The following RPRD2 variants were observed in gnomAD, a reference collection of about 807,000 sequenced individuals.
RPRD2 encodes the protein regulation of nuclear pre-mRNA domain-containing protein 2.
RPRD2 carries 12 observed loss-of-function variants against 104.4 expected under a neutral mutation model. That is an observed-to-expected ratio of 0.11 (90% CI 0.07 to 0.19). The LOEUF (loss-of-function observed/expected upper bound fraction) is 0.19. Among genes scored for constraint, RPRD2 ranks in the 10% least tolerant of loss-of-function variants. The probability of loss-of-function intolerance (pLI) is 1.00; values close to 1 mark genes in which losing one functional copy is unlikely to be tolerated. For missense variants in RPRD2, 1,543 were observed against 1,790.1 expected, an observed-to-expected ratio of 0.86 and a Z score of 2.49; for synonymous variants, 714 against 684.9, an observed-to-expected ratio of 1.04 and a Z score of -0.66.
intron 1 of RPRD2, among the ~76,000 whole-genome samples, chr1:150,412,016 G>A (rs1177703255): frequency 6.6e-6 from 1 of 151,200 alleles, no homozygotes; most frequent in Non-Finnish European, 1.5e-5. Flanking sequence ...CCAGCTGCTG[G>A]AGAGGCTGAG....
At chr1:150,390,706 A>C (rs150516787) in intron 1 of RPRD2, among the ~76,000 whole-genome samples, 105 of 152,340 alleles carry the variant, frequency 6.9e-4, no homozygotes, top group African/African-American at 2.4e-3. Context: ...TGGCAAAGGG[A>C]GAATTCATGA....
chr1:150,382,780 G>A (rs191279464), intron 1 of RPRD2, among the ~76,000 whole-genome samples: 6 of 152,252 alleles, frequency 3.9e-5, no homozygotes, highest in African/African-American at 1.4e-4. Context: ...AGGCCACAGT[G>A]CACCCTGATC....
intron 1 of RPRD2, among the ~76,000 whole-genome samples, chr1:150,377,085 C>T (rs759304376): frequency 1.3e-5 from 2 of 151,468 alleles, no homozygotes; most frequent in Non-Finnish European, 2.9e-5. Context: ...GTGGCATGTG[C>T]CTGTAGTCTC....
chr1:150,464,847 A>G (rs1668162822), intron 10 of RPRD2, 120 bp downstream of exon 10: 1 of 484,936 alleles, frequency 2.1e-6, no homozygotes. Flanking sequence ...TTAATTCATT[A>G]TTCTTTTTAT....
intron 1 of RPRD2, among the ~76,000 whole-genome samples, chr1:150,370,231 G>A (rs891529062): frequency 4.6e-5 from 7 of 152,108 alleles, no homozygotes; most frequent in Non-Finnish European, 1.0e-4. Flanking sequence ...CATTTTTAAT[G>A]GTAAAATGGG....
At chr1:150,407,621 G>C (rs782063691) in intron 1 of RPRD2, among the ~76,000 whole-genome samples, 3 of 152,204 alleles carry the variant, frequency 2.0e-5, no homozygotes, top group East Asian at 1.9e-4. Flanking sequence ...GATTTTCTAC[G>C]TAGTTCAGTG....
chr1:150,473,393 G>A lies in RPRD2; in HGVS notation c.*59G>A. On this transcript the variant is annotated 3_prime_UTR_variant, in exon 11 of 11. Coordinates refer to ENST00000369068, the MANE Select transcript of RPRD2 (RefSeq NM_015203.5). The stretch of plus-strand genomic sequence containing the variant: ...AGAGAACATTGGAAGTAGGAGTTTG[G>A]TTTATTGTTGTTGTTTTTATTTGTT... 6.9e-7 allele frequency: 1 copy of A among 1,453,606 alleles called. No individual in the cohort carries two copies. The highest frequency in any genetic ancestry group is 1.5e-5 in the South Asian group (1 of 67,070). 90.0% of individuals were successfully genotyped at this position (1,453,606 alleles called of 1,614,324 possible). A position where few individuals can be genotyped will look rare whatever the true frequency, so the allele number is the denominator to read the frequency against.
intron 1 of RPRD2, among the ~76,000 whole-genome samples, chr1:150,384,581 C>T (rs971411639): frequency 4.6e-5 from 7 of 151,374 alleles, no homozygotes; most frequent in Non-Finnish European, 8.8e-5. Flanking sequence ...AAGCAGTTCT[C>T]CTGCCTCGGC....
At chr1:150,459,561 T>C (rs587739269) in intron 8 of RPRD2, among the ~76,000 whole-genome samples, 82 of 150,506 alleles carry the variant, frequency 5.4e-4, no homozygotes, top group South Asian at 3.5e-3. Flanking sequence ...CATTGAAAAG[T>C]AAGATACAAG....
intron 1 of RPRD2, among the ~76,000 whole-genome samples, chr1:150,399,744 G>A (rs1662829312): frequency 1.4e-5 from 2 of 145,466 alleles, no homozygotes; most frequent in African/African-American, 4.9e-5. Flanking sequence ...GTGACAGAGT[G>A]AGACCCCATC....
At chr1:150,432,186 AAAAAAAG>A (rs1157474511) in intron 2 of RPRD2, among the ~76,000 whole-genome samples, 32 of 152,058 alleles carry the variant, frequency 2.1e-4, no homozygotes, top group African/African-American at 7.5e-4. Context: ...AAAAAAAAAA[AAAAAAAG>A]AAAGAAAAGT....
chr1:150,461,706 C>T (rs587640800), intron 9 of RPRD2, among the ~76,000 whole-genome samples: 7 of 152,028 alleles, frequency 4.6e-5, no homozygotes, highest in South Asian at 2.1e-4. Context: ...TATGGCCGAG[C>T]GTGGTGGCTC....
Position 150,450,957 on chromosome 1 carries a change from T to TAA in RPRD2, c.870+4557_870+4558insAA, listed in dbSNP as rs1553896469. Reference sequence around the variant, plus strand: ...AAATTAATTGATACTTTGACACACTTATAATCTAATCCTCAGAACCGATTC... The same window carrying TAA: ...AAATTAATTGATACTTTGACACACTTAAATAATCTAATCCTCAGAACCGATTC... On this transcript the variant is annotated intron_variant, in intron 7 of 10. Transcript: ENST00000369068. Among the ~76,000 whole-genome samples, 4 of 152,284 alleles carry TAA rather than the reference T, an allele frequency of 2.6e-5. No homozygotes were observed. The South Asian group carries it at 8.3e-4, about 32-fold the overall frequency.
chr1:150,467,222 C>T (rs1251389422), intron 10 of RPRD2, among the ~76,000 whole-genome samples: 2 of 152,120 alleles, frequency 1.3e-5, no homozygotes, highest in African/African-American at 4.8e-5. Context: ...TTTTGTTACA[C>T]AGAACTAAAT....
At chr1:150,467,346 T>C (rs895646892) in intron 10 of RPRD2, among the ~76,000 whole-genome samples, 17 of 152,108 alleles carry the variant, frequency 1.1e-4, no homozygotes, top group African/African-American at 4.1e-4. Flanking sequence ...GAGTTTGACA[T>C]GTTTATGCTT....
chr1:150,423,322 T>C (rs1305202769), intron 2 of RPRD2, among the ~76,000 whole-genome samples: 1 of 152,200 alleles, frequency 6.6e-6, no homozygotes, highest in African/African-American at 2.4e-5. Context: ...TATAGAAGAA[T>C]CCCTTTAAGA....
chr1:150,472,310 G>T lies in RPRD2; in HGVS notation c.3362G>T (p.Arg1121Leu). 6.2e-7 allele frequency: 1 copy of T among 1,613,972 alleles called. No individual in the cohort carries two copies. The highest frequency in any genetic ancestry group is 8.5e-7 in the Non-Finnish European group (1 of 1,179,888). ...VPGKGNRGHG[R>L]EASRVGWFDL... ...GGGAAGGGAAATAGAGGACATGGGCGTGAGGCTTCAAGGGTGGGTTGGTTT... is the reference window on the plus strand; with the variant it reads ...GGGAAGGGAAATAGAGGACATGGGCTTGAGGCTTCAAGGGTGGGTTGGTTT... The change falls in exon 11 of 11, where the codon CGT becomes CTT. Residue 1121 changes from arginine to leucine, a missense_variant. Arg to Leu is a moderately radical substitution (Grantham distance 102). Transcript: ENST00000369068.
intron 7 of RPRD2, among the ~76,000 whole-genome samples, chr1:150,452,734 G>T (rs1346492595): frequency 7.6e-6 from 1 of 130,994 alleles, no homozygotes; most frequent in African/African-American, 2.9e-5. Flanking sequence ...GCAGTGGCAC[G>T]ATCTCGGCTC....
At chr1:150,369,660 G>A (rs1245099094) in intron 1 of RPRD2, among the ~76,000 whole-genome samples, 5 of 77,914 alleles carry the variant, frequency 6.4e-5, no homozygotes, top group South Asian at 3.4e-4. Context: ...TAGTAGAGAC[G>A]GGGTTTCACC....
Sources: allele counts gnomAD v4.1 joint callset (sites outside exome capture counted in the v4.1 genomes callset), GRCh38; gene constraint gnomAD v4.1.1; transcripts MANE v1.5; gene names NCBI Gene and HGNC (gene_info 2026-07-23, HGNC 2026-07-21).